Variants in UTRN observed in about 807,000 individuals in gnomAD.
The protein encoded by UTRN is dystrophin-related protein 1.
A neutral mutation model predicts 463.9 loss-of-function variants in UTRN; 283 were observed. That is an observed-to-expected ratio of 0.61 (90% CI 0.55 to 0.67). The LOEUF (loss-of-function observed/expected upper bound fraction) is 0.67. Ranked by LOEUF, UTRN falls within the 30% of genes least tolerant of loss-of-function variation. The probability of loss-of-function intolerance (pLI) is 0.00; values close to 1 mark genes in which losing one functional copy is unlikely to be tolerated. For missense variants in UTRN, 3,922 were observed against 4,084.3 expected, an observed-to-expected ratio of 0.96 and a Z score of 1.08; for synonymous variants, 1,442 against 1,431.5, an observed-to-expected ratio of 1.01 and a Z score of -0.17.
At chr6:144,347,816 C>G (rs1190670038) in intron 2 of UTRN, among the ~76,000 whole-genome samples, 1 of 147,514 alleles carries the variant, frequency 6.8e-6, no homozygotes, top group Admixed American at 6.7e-5. Context: ...GGAGAATCTC[C>G]TGAACTGTGG....
intron 30 of UTRN, among the ~76,000 whole-genome samples, 180 bp from the exon 31 acceptor site, chr6:144,489,891 A>T (rs970376246): frequency 6.6e-6 from 1 of 152,136 alleles, no homozygotes; most frequent in Non-Finnish European, 1.5e-5. Flanking sequence ...AAGTGTTGGG[A>T]TTACAGGCAT....
intron 51 of UTRN, among the ~76,000 whole-genome samples, chr6:144,647,267 A>G (rs779348287): frequency 3.3e-5 from 5 of 152,204 alleles, no homozygotes; most frequent in Non-Finnish European, 7.4e-5. Context: ...CATTTCTGTC[A>G]ATTGTGAATC....
chr6:144,583,550 C>T (rs752195024), intron 51 of UTRN: 4 of 715,198 alleles, frequency 5.6e-6, no homozygotes, highest in African/African-American at 5.2e-5. Context: ...TTTGTTGCAT[C>T]GCTTACAAAG....
At chr6:144,570,039 A>C (rs1800795010) in intron 50 of UTRN, among the ~76,000 whole-genome samples, 1 of 152,152 alleles carries the variant, frequency 6.6e-6, no homozygotes, top group Non-Finnish European at 1.5e-5. Flanking sequence ...CAAAACTGTA[A>C]GATAATAAAC....
At chr6:144,584,116 A>G (rs1057034541) in intron 51 of UTRN, among the ~76,000 whole-genome samples, 1 of 152,190 alleles carries the variant, frequency 6.6e-6, no homozygotes, top group Non-Finnish European at 1.5e-5. Context: ...ATATTCTTAA[A>G]TCTCCATATA....
chr6:144,346,187 A>AAAT (rs1554221094), intron 2 of UTRN, among the ~76,000 whole-genome samples: 6 of 151,526 alleles, frequency 4.0e-5, no homozygotes, highest in African/African-American at 1.5e-4. Flanking sequence ...CAAAAAAAAA[A>AAAT]AAAATAAAAT....
intron 54 of UTRN, among the ~76,000 whole-genome samples, chr6:144,735,358 A>G (rs945957864): frequency 5.9e-5 from 9 of 152,188 alleles, no homozygotes; most frequent in Non-Finnish European, 1.2e-4. Context: ...CCTTAGCAGA[A>G]CAGCTCAGCC....
At chr6:144,364,799 C>T (rs976054984) in intron 2 of UTRN, among the ~76,000 whole-genome samples, 3 of 152,208 alleles carry the variant, frequency 2.0e-5, no homozygotes, top group Non-Finnish European at 4.4e-5. Flanking sequence ...TTTCCAGCCT[C>T]CACAGGCTGC....
intron 43 of UTRN, among the ~76,000 whole-genome samples, chr6:144,537,300 T>G (rs1364507788): frequency 1.3e-5 from 2 of 152,080 alleles, no homozygotes; most frequent in African/African-American, 4.8e-5. Flanking sequence ...AAAAAGGCTT[T>G]TGTATTCAAT....
chr6:144,755,654 T>C (rs1440788130), intron 57 of UTRN, among the ~76,000 whole-genome samples: 1 of 152,202 alleles, frequency 6.6e-6, no homozygotes, highest in Non-Finnish European at 1.5e-5. Flanking sequence ...ATTCCTTTCC[T>C]TTCATTTCCT....
chr6:144,514,820 A>C lies in UTRN; in HGVS notation c.5244A>C (p.Lys1748Asn), dbSNP rs969677559. 1 of 1,612,140 alleles carries C rather than the reference A, an allele frequency of 6.2e-7. No homozygotes were observed. Among genetic ancestry groups the C allele is most frequent in the Non-Finnish European group, 8.5e-7 (1 of 1,179,468 alleles). ...TGTCTCAACATATCAAAAGTGCCAA[A>C]GTGAGTAATTATGCTTTTAGAGTAA... is the stretch of plus-strand genomic sequence containing the variant. ...EKVSQHIKSA[K>N]LLIAQEPLYQ... Residue 1748 changes from lysine to asparagine, a missense_variant and splice_region_variant, in exon 37 of 75, where the codon AAA (lysine) becomes AAC (asparagine). This residue lies in a region of UTRN where 2,349 missense variants were observed against 2,303.8 expected (regional missense o/e 1.02). Coordinates refer to ENST00000367545, the MANE Select transcript of UTRN (RefSeq NM_007124.3).
intron 39 of UTRN, 30 bp from the exon 40 acceptor site, chr6:144,521,950 T>C: frequency 8.1e-7 from 1 of 1,232,212 alleles, no homozygotes; most frequent in Non-Finnish European, 1.0e-6. Flanking sequence ...TATATATATA[T>C]ATATATTTTT....
chr6:144,494,358 T>G (rs1456977452), intron 33 of UTRN, among the ~76,000 whole-genome samples: 5 of 152,066 alleles, frequency 3.3e-5, no homozygotes, highest in Admixed American at 3.3e-4. Context: ...TCTGGAGTTG[T>G]TCGTTCCTCC....
chr6:144,721,391 T>C (rs907145493), intron 53 of UTRN, among the ~76,000 whole-genome samples: 1 of 152,172 alleles, frequency 6.6e-6, no homozygotes, highest in African/African-American at 2.4e-5. Context: ...GTTGTTGTTA[T>C]TGAGACGGGG....
In UTRN at chr6:144,821,011, T is replaced by C; in HGVS notation, c.9487T>C (p.Leu3163=). The C allele has an allele frequency of 6.2e-7, 1 of 1,612,848 alleles. No homozygotes were observed. Among genetic ancestry groups the C allele is most frequent in the Non-Finnish European group, 8.5e-7 (1 of 1,179,586 alleles). Residue 3163 remains leucine (L), a synonymous_variant, in exon 66 of 75, where the codon TTA becomes CTA. Coordinates refer to ENST00000367545, the MANE Select transcript of UTRN (RefSeq NM_007124.3). The part of the protein sequence containing the change: ...PVQTVLEGDN[L]ETPITLISMW... ...CCAGACAGTTCTTGAAGGTGACAAC[T>C]TAGAGACGTAAGTTTGATTTTAATA... is the stretch of plus-strand genomic sequence containing the variant.
chr6:144,438,953 C>T, intron 12 of UTRN, 58 bp downstream of exon 12: 1 of 1,562,606 alleles, frequency 6.4e-7, no homozygotes, highest in East Asian at 2.3e-5. Context: ...CAGCACTTAG[C>T]ATCTCAGAGG....
chr6:144,353,973 G>A (rs1434708726), intron 2 of UTRN, among the ~76,000 whole-genome samples: 2 of 152,154 alleles, frequency 1.3e-5, no homozygotes, highest in Non-Finnish European at 2.9e-5. Flanking sequence ...TGAAGGTGCT[G>A]GGATGTTTTA....
At chr6:144,341,866 T>C (rs60104486) in intron 2 of UTRN, among the ~76,000 whole-genome samples, 9,877 of 152,288 alleles carry the variant, frequency 0.065, 1,025 homozygotes, top group African/African-American at 0.22. Flanking sequence ...CAGCAATATT[T>C]AGCTGGTATG....
At chr6:144,644,569 A>G (rs990148246) in intron 51 of UTRN, among the ~76,000 whole-genome samples, 1 of 152,192 alleles carries the variant, frequency 6.6e-6, no homozygotes, top group Non-Finnish European at 1.5e-5. Flanking sequence ...GCTATATATT[A>G]GTCATATATT....
Sources: gnomAD v4.1 joint callset for allele counts (sites outside exome capture counted in the v4.1 genomes callset) on GRCh38, gnomAD v4.1.1 for gene constraint, gnomAD v4.1.1 regional missense constraint, MANE v1.5 for transcripts, NCBI Gene and HGNC (gene_info 2026-07-23, HGNC 2026-07-21) for gene names.